Variants in SRD5A2 observed in about 807,000 individuals in gnomAD.
SRD5A2 encodes the protein 3-oxo-5-alpha-steroid 4-dehydrogenase 2.
In SRD5A2, 30 loss-of-function variants were observed where a neutral mutation model predicts 27.4. The observed-to-expected ratio is 1.10, with a 90% confidence interval of 0.82 to 1.49. SRD5A2 has a LOEUF of 1.49. SRD5A2 is among the 40% of genes most tolerant of loss of function. The pLI is 0.00. For synonymous variants in SRD5A2, 141 were observed against 133.6 expected, an observed-to-expected ratio of 1.06 and a Z score of -0.38; for missense variants, 348 against 323.4, an observed-to-expected ratio of 1.08 and a Z score of -0.58.
intron 1 of SRD5A2, among the ~76,000 whole-genome samples, chr2:31,543,618 C>T (rs897242657): frequency 1.1e-4 from 17 of 152,006 alleles, no homozygotes; most frequent in Admixed American, 3.3e-4. Context: ...GTGACATTAA[C>T]AATCAAAGAG....
At chr2:31,622,078 A>G in the SRD5A2 span, among the ~76,000 whole-genome samples, 35 of 152,120 alleles carry the variant, frequency 2.3e-4, no homozygotes, top group South Asian at 7.1e-3. Context: ...TAGGTATTAC[A>G]CCCAGCACCC....
At chr2:31,654,837 C>T in the SRD5A2 span, among the ~76,000 whole-genome samples, 605 of 152,264 alleles carry the variant, frequency 4.0e-3, 7 homozygotes, top group Non-Finnish European at 6.6e-3. Context: ...CATGCTAAAT[C>T]CTCTTCTCTG....
chr2:31,577,668 C>A (rs1318408344), intron 1 of SRD5A2, among the ~76,000 whole-genome samples: 1 of 152,200 alleles, frequency 6.6e-6, no homozygotes, highest in African/African-American at 2.4e-5. Context: ...TTCTCCCTGT[C>A]TCTCCGTCTT....
chr2:31,533,095 T>C (rs1013238478), intron 2 of SRD5A2, among the ~76,000 whole-genome samples: 3 of 152,124 alleles, frequency 2.0e-5, no homozygotes, highest in Non-Finnish European at 4.4e-5. Flanking sequence ...TCAGCTATCA[T>C]TGGTGTTAGT....
At chr2:31,559,964 T>C (rs1359527737) in intron 1 of SRD5A2, among the ~76,000 whole-genome samples, 1 of 151,256 alleles carries the variant, frequency 6.6e-6, no homozygotes, top group Admixed American at 6.6e-5. Flanking sequence ...AAGATTTAAG[T>C]AGAACAGAGT....
At chr2:31,646,752 C>T in the SRD5A2 span, among the ~76,000 whole-genome samples, 1 of 152,192 alleles carries the variant, frequency 6.6e-6, no homozygotes, top group African/African-American at 2.4e-5. Context: ...TGAGGTTAGA[C>T]TTCTGGCTTC....
chr2:31,529,599 T>A, intron 3 of SRD5A2, 142 bp from the exon 4 acceptor site: 1 of 1,177,936 alleles, frequency 8.5e-7, no homozygotes, highest in Non-Finnish European at 1.2e-6. Context: ...AGGAGTTTGG[T>A]GGAATCCTCT....
chr2:31,570,225 T>C (rs957828406), intron 1 of SRD5A2, among the ~76,000 whole-genome samples: 32 of 152,182 alleles, frequency 2.1e-4, no homozygotes, highest in African/African-American at 7.5e-4. Flanking sequence ...TGAGTCAACA[T>C]ATGCAAATCA....
At chr2:31,647,864 T>G in the SRD5A2 span, among the ~76,000 whole-genome samples, 1 of 152,224 alleles carries the variant, frequency 6.6e-6, no homozygotes, top group Non-Finnish European at 1.5e-5. Flanking sequence ...AAGAAACAAA[T>G]GTATAACAGT....
At chr2:31,580,503 T>C in intron 1 of SRD5A2, 117 bp downstream of exon 1, 1 of 1,304,690 alleles carries the variant, frequency 7.7e-7, no homozygotes, top group Non-Finnish European at 1.0e-6. Flanking sequence ...TCCGCGTTCC[T>C]CACAGCGCCC....
the SRD5A2 span, among the ~76,000 whole-genome samples, chr2:31,623,231 A>G: frequency 5.5e-4 from 84 of 152,262 alleles, no homozygotes; most frequent in Middle Eastern, 3.4e-3. Flanking sequence ...TTGAACTCGA[A>G]TAAGAAAATC....
intron 1 of SRD5A2, among the ~76,000 whole-genome samples, chr2:31,551,720 A>G (rs12995898): frequency 0.18 from 26,733 of 152,086 alleles, 2,809 homozygotes; most frequent in African/African-American, 0.29. Flanking sequence ...ATCTGTATAC[A>G]GAAAGTCAAA....
chr2:31,591,110 T>G, the SRD5A2 span, among the ~76,000 whole-genome samples: 2 of 152,184 alleles, frequency 1.3e-5, no homozygotes, highest in African/African-American at 2.4e-5. Flanking sequence ...CTAAAGGGCT[T>G]CTGCACAGCA....
the SRD5A2 span, among the ~76,000 whole-genome samples, chr2:31,589,527 T>C: frequency 8.5e-4 from 130 of 152,170 alleles, no homozygotes; most frequent in African/African-American, 3.0e-3. Flanking sequence ...AACACCTCCA[T>C]TGGGGAAAGA....
intron 1 of SRD5A2, among the ~76,000 whole-genome samples, chr2:31,547,381 T>G (rs1558363620): frequency 6.6e-6 from 1 of 152,180 alleles, no homozygotes; most frequent in East Asian, 1.9e-4. Flanking sequence ...TTCTAATGAT[T>G]GGGCTACCCC....
At chr2:31,567,456 G>GTGTGTGTGTGTA (rs143408801) in intron 1 of SRD5A2, among the ~76,000 whole-genome samples, 105 of 140,306 alleles carry the variant, frequency 7.5e-4, no homozygotes, top group Middle Eastern at 3.7e-3. Context: ...GTGTGTGTGT[G>GTGTGTGTGTGTA]TATATATATA....
intron 1 of SRD5A2, among the ~76,000 whole-genome samples, chr2:31,569,054 AG>A (rs1420461921): frequency 6.6e-5 from 10 of 152,182 alleles, no homozygotes; most frequent in Non-Finnish European, 1.2e-4. Flanking sequence ...CCGGGTCCAG[AG>A]CCATGGCTGG....
At chr2:31,545,232 G>C (rs1308780938) in intron 1 of SRD5A2, among the ~76,000 whole-genome samples, 1 of 151,914 alleles carries the variant, frequency 6.6e-6, no homozygotes, top group Non-Finnish European at 1.5e-5. Flanking sequence ...ATTCTATGAG[G>C]TCAGCATTAT....
At chr2:31,648,448 C>A in the SRD5A2 span, among the ~76,000 whole-genome samples, 2 of 152,268 alleles carry the variant, frequency 1.3e-5, no homozygotes, top group Middle Eastern at 3.4e-3. Flanking sequence ...TTTCAACCTG[C>A]CAATAACATG....
Sources: allele counts gnomAD v4.1 joint callset (sites outside exome capture counted in the v4.1 genomes callset), GRCh38; gene constraint gnomAD v4.1.1; transcripts MANE v1.5; gene names NCBI Gene and HGNC (gene_info 2026-07-23, HGNC 2026-07-21).